GLIS3: variants seen among roughly 807,000 people sequenced by gnomAD.
The protein encoded by GLIS3 is GLIS family zinc finger 3.
GLIS3 carries 53 observed loss-of-function variants against 78.6 expected under a neutral mutation model. The ratio of observed to expected loss-of-function variants is 0.67; its 90% CI spans 0.54 to 0.85. The LOEUF (loss-of-function observed/expected upper bound fraction) is 0.85. Among genes scored for constraint, GLIS3 ranks in the 40% least tolerant of loss-of-function variants. GLIS3 has a pLI of 0.00. For synonymous variants in GLIS3, 684 were observed against 509.9 expected (o/e 1.34, Z -4.60); for missense variants, 1,703 against 1,231.1 (o/e 1.38, Z -5.74).
chr9:4,318,827 C>T (rs1259004579), intron 2 of GLIS3, among the ~76,000 whole-genome samples: 2 of 152,132 alleles, frequency 1.3e-5, no homozygotes, highest in African/African-American at 4.8e-5. Flanking sequence ...ATTTTCAGAG[C>T]CTCAAAATAT....
chr9:4,045,731 G>A (rs1825195429), intron 4 of GLIS3, among the ~76,000 whole-genome samples: 1 of 152,116 alleles, frequency 6.6e-6, no homozygotes, highest in Non-Finnish European at 1.5e-5. Context: ...ACAAGAGGCT[G>A]AAGGTGAAAT....
At chr9:4,346,625 C>G (rs143096896) in intron 2 of GLIS3, among the ~76,000 whole-genome samples, 1 of 152,356 alleles carries the variant, frequency 6.6e-6, no homozygotes, top group African/African-American at 2.4e-5. Context: ...GTCAGCTTCT[C>G]TAGTAGGACT....
intron 4 of GLIS3, among the ~76,000 whole-genome samples, chr9:4,074,238 C>T (rs1438237480): frequency 6.6e-6 from 1 of 152,186 alleles, no homozygotes; most frequent in Admixed American, 6.5e-5. Context: ...GGTCCCCAAA[C>T]CATAGTTTGG....
chr9:4,486,852 G>C, the GLIS3 span, among the ~76,000 whole-genome samples: 1 of 152,116 alleles, frequency 6.6e-6, no homozygotes, highest in Non-Finnish European at 1.5e-5. Flanking sequence ...ATCATGCCCA[G>C]GTTATTTATT....
chr9:4,139,212 C>A (rs1183347294), intron 2 of GLIS3, among the ~76,000 whole-genome samples: 1 of 152,114 alleles, frequency 6.6e-6, no homozygotes, highest in East Asian at 1.9e-4. Flanking sequence ...TGCCCCAAGC[C>A]AAACAAAAGC....
At chr9:4,024,976 C>A (rs145259567) in intron 4 of GLIS3, among the ~76,000 whole-genome samples, 1 of 152,130 alleles carries the variant, frequency 6.6e-6, no homozygotes, top group Non-Finnish European at 1.5e-5. Context: ...AGGCTAGGCA[C>A]GGTGGCTCAT....
chr9:4,009,275 C>T (rs1443188712), intron 4 of GLIS3, among the ~76,000 whole-genome samples: 2 of 152,174 alleles, frequency 1.3e-5, no homozygotes, highest in African/African-American at 4.8e-5. Flanking sequence ...GACAGCCCCT[C>T]AGCTGTGCTG....
intron 4 of GLIS3, among the ~76,000 whole-genome samples, chr9:4,051,870 T>G (rs1165197871): frequency 1.3e-5 from 2 of 152,222 alleles, no homozygotes; most frequent in Non-Finnish European, 2.9e-5. Flanking sequence ...GTATTTATTT[T>G]AGGTGCTGGA....
intron 2 of GLIS3, among the ~76,000 whole-genome samples, chr9:4,266,787 C>T (rs767132951): frequency 6.6e-6 from 1 of 152,202 alleles, no homozygotes; most frequent in Non-Finnish European, 1.5e-5. Context: ...ACAAACTATG[C>T]ATCTGCATTC....
At chr9:3,921,923 T>TACACACACACACACACACAC (rs6150898) in intron 6 of GLIS3, among the ~76,000 whole-genome samples, 2 of 149,758 alleles carry the variant, frequency 1.3e-5, no homozygotes, top group African/African-American at 4.9e-5. Context: ...TCATACTGTG[T>TACACACACACACACACACAC]ACACACACAC....
chr9:4,156,894 C>G (rs1835084992), intron 2 of GLIS3, among the ~76,000 whole-genome samples: 1 of 152,152 alleles, frequency 6.6e-6, no homozygotes, highest in Admixed American at 6.5e-5. Flanking sequence ...CCAACAGCAT[C>G]AGCATCATCC....
chr9:4,179,562 A>G (rs542688174), intron 2 of GLIS3, among the ~76,000 whole-genome samples: 29 of 152,264 alleles, frequency 1.9e-4, no homozygotes, highest in Middle Eastern at 3.4e-3. Context: ...TTAACCCAGG[A>G]CACACTCTCC....
At chr9:3,931,299 C>T (rs916772938) in intron 6 of GLIS3, among the ~76,000 whole-genome samples, 1 of 152,062 alleles carries the variant, frequency 6.6e-6, no homozygotes, top group Non-Finnish European at 1.5e-5. Flanking sequence ...AAAAAAATCT[C>T]AAGTAACAAG....
chr9:4,081,115 G>A (rs1345686829), intron 4 of GLIS3: 4 of 152,328 alleles, frequency 2.6e-5, no homozygotes, highest in Non-Finnish European at 5.9e-5. Flanking sequence ...TACACAATGA[G>A]CTTCATATTC....
chr9:4,383,453 G>C, the GLIS3 span, among the ~76,000 whole-genome samples: 1 of 152,260 alleles, frequency 6.6e-6, no homozygotes, highest in African/African-American at 2.4e-5. Flanking sequence ...CATTTATTAT[G>C]TATCAAAGAT....
chr9:3,855,046 G>A lies in GLIS3; in HGVS notation c.2473+963C>T, dbSNP rs539783950. ...AGGACAGTAGTATTTTTCAGAAGTTGAAACATTCAGCCTAAAAGGACAGTA... is the reference window on the plus strand; with the variant it reads ...AGGACAGTAGTATTTTTCAGAAGTTAAAACATTCAGCCTAAAAGGACAGTA... On this transcript the variant is annotated intron_variant, in intron 9 of 10. Coordinates refer to ENST00000381971, the MANE Select transcript of GLIS3 (RefSeq NM_001042413.2). Among the ~76,000 whole-genome samples the A allele has an allele frequency of 2.2e-3, 340 of 152,282 alleles. 1 individual carries two copies. Among genetic ancestry groups the A allele is most frequent in the Middle Eastern group, 0.01 (3 of 294 alleles).
At chr9:4,077,723 G>A (rs969390721) in intron 4 of GLIS3, among the ~76,000 whole-genome samples, 1 of 152,144 alleles carries the variant, frequency 6.6e-6, no homozygotes, top group African/African-American at 2.4e-5. Context: ...AAGAGAAAGG[G>A]CGGGCTGGTC....
chr9:4,054,326 C>T, intron 4 of GLIS3: 3 of 985,350 alleles, frequency 3.0e-6, no homozygotes, highest in African/African-American at 1.7e-5. Flanking sequence ...TCCACAACTC[C>T]ACAAGACCTC....
chr9:4,475,062 C>G, the GLIS3 span, among the ~76,000 whole-genome samples: 12 of 136,172 alleles, frequency 8.8e-5, no homozygotes, highest in Admixed American at 6.8e-4. Context: ...GGCATGATCT[C>G]GGCTCACTGC....
Sources: allele counts gnomAD v4.1 joint callset (sites outside exome capture counted in the v4.1 genomes callset), GRCh38; gene constraint gnomAD v4.1.1; transcripts MANE v1.5; gene names NCBI Gene and HGNC (gene_info 2026-07-23, HGNC 2026-07-21).